Variants in BTG4 observed in about 807,000 individuals in gnomAD.
BTG4 encodes protein BTG4.
BTG4 carries 10 observed loss-of-function variants against 19.3 expected under a neutral mutation model. The observed-to-expected ratio is 0.52, with a 90% CI of 0.32 to 0.88. The LOEUF (loss-of-function observed/expected upper bound fraction) is 0.88. BTG4 is among the 40% of genes least tolerant of loss of function. The probability of loss-of-function intolerance (pLI) is 0.04; values close to 1 mark genes in which losing one functional copy is unlikely to be tolerated. For synonymous variants in BTG4, 91 were observed against 95.7 expected (o/e 0.95, Z 0.29); for missense variants, 238 against 281.9 (o/e 0.84, Z 1.11).
chr11:111,448,404 G>C, the BTG4 span: 1 of 152,686 alleles, frequency 6.5e-6, no homozygotes, highest in Admixed American at 6.5e-5. Context: ...ACCGCTCCTG[G>C]AAGCTAAGTC....
chr11:111,412,385 GTTTC>G, the BTG4 span, among the ~76,000 whole-genome samples: 57,153 of 151,668 alleles, frequency 0.38, 10,882 homozygotes, highest in Admixed American at 0.45. Context: ...TTTGTCCTAA[GTTTC>G]TTTCTTTCTA....
At chr11:111,411,681 A>T in the BTG4 span, among the ~76,000 whole-genome samples, 1 of 152,254 alleles carries the variant, frequency 6.6e-6, no homozygotes, top group Non-Finnish European at 1.5e-5. Flanking sequence ...ACAAGCTTTC[A>T]GATGATACCG....
At chr11:111,449,022 T>C in the BTG4 span, among the ~76,000 whole-genome samples, 15 of 152,314 alleles carry the variant, frequency 9.8e-5, no homozygotes, top group Non-Finnish European at 1.9e-4. Flanking sequence ...AAACACATCC[T>C]AGCCCAAGCC....
At chr11:111,442,076 A>G in the BTG4 span, among the ~76,000 whole-genome samples, 2 of 152,056 alleles carry the variant, frequency 1.3e-5, no homozygotes, top group Admixed American at 1.3e-4. Context: ...AAAAAAAGAA[A>G]GAAAAGTGAG....
chr11:111,438,410 C>T, the BTG4 span, among the ~76,000 whole-genome samples: 2 of 152,336 alleles, frequency 1.3e-5, no homozygotes, highest in Admixed American at 1.3e-4. Flanking sequence ...CATGCAGCCT[C>T]CACCTCTGGC....
the BTG4 span, among the ~76,000 whole-genome samples, chr11:111,404,191 G>C: frequency 0.028 from 4,281 of 152,256 alleles, 92 homozygotes; most frequent in Middle Eastern, 0.13. Flanking sequence ...TGTAAGACAT[G>C]CCTTTCACCT....
the BTG4 span, among the ~76,000 whole-genome samples, chr11:111,409,717 C>T: frequency 6.6e-6 from 1 of 152,176 alleles, no homozygotes; most frequent in African/African-American, 2.4e-5. Context: ...GTCATGCGCA[C>T]AGGACTCTCC....
intron 5 of BTG4, among the ~76,000 whole-genome samples, chr11:111,472,308 T>C (rs943710989): frequency 2.0e-5 from 3 of 152,222 alleles, no homozygotes; most frequent in African/African-American, 4.8e-5. Flanking sequence ...CTAGGGACAC[T>C]TCTCTCGAGG....
chr11:111,389,112 A>C, the BTG4 span, among the ~76,000 whole-genome samples: 1 of 152,258 alleles, frequency 6.6e-6, no homozygotes, highest in African/African-American at 2.4e-5. Context: ...TGCGAAGGCA[A>C]GTCTATTTGC....
At chr11:111,445,520 C>T in the BTG4 span, among the ~76,000 whole-genome samples, 7 of 152,170 alleles carry the variant, frequency 4.6e-5, no homozygotes, top group Non-Finnish European at 1.0e-4. Context: ...CTCTGTATTC[C>T]CACAGGACTG....
chr11:111,412,486 CTTTTCTGATGATGATGATACCA>C, the BTG4 span, among the ~76,000 whole-genome samples: 2 of 152,270 alleles, frequency 1.3e-5, no homozygotes, highest in South Asian at 2.1e-4. Context: ...GCTGACACGG[CTTTTCTGATGATGATGATACCA>C]TTTTCACTTT....
At chr11:111,396,937 T>TACTAATTGAAAA in the BTG4 span, 3 of 152,346 alleles carry the variant, frequency 2.0e-5, no homozygotes, top group Admixed American at 6.5e-5. Context: ...TTTCAATTAG[T>TACTAATTGAAAA]ATAGGTTGAT....
At chr11:111,407,543 G>A in the BTG4 span, among the ~76,000 whole-genome samples, 3 of 152,144 alleles carry the variant, frequency 2.0e-5, no homozygotes, top group African/African-American at 7.2e-5. Flanking sequence ...ATGGTGGCGG[G>A]CACCTGTAAT....
At chr11:111,437,731 C>A in the BTG4 span, among the ~76,000 whole-genome samples, 13 of 152,304 alleles carry the variant, frequency 8.5e-5, no homozygotes, top group African/African-American at 3.1e-4. Context: ...GCTCTTCCCT[C>A]CACTCCTAGG....
chr11:111,408,324 C>T, the BTG4 span, among the ~76,000 whole-genome samples: 4 of 152,218 alleles, frequency 2.6e-5, no homozygotes. Context: ...TTAGAGCCCC[C>T]TGGGCCTGGC....
chr11:111,399,097 C>T, the BTG4 span: 1 of 152,360 alleles, frequency 6.6e-6, no homozygotes, highest in South Asian at 2.1e-4. Flanking sequence ...CCAAACCTCA[C>T]CTTTACTCAC....
the BTG4 span, among the ~76,000 whole-genome samples, chr11:111,389,923 G>A: frequency 6.6e-6 from 1 of 152,092 alleles, no homozygotes; most frequent in Non-Finnish European, 1.5e-5. Flanking sequence ...CAAAGCCAAC[G>A]AAAGCTAAGA....
chr11:111,453,109 G>T, the BTG4 span, among the ~76,000 whole-genome samples: 1 of 152,292 alleles, frequency 6.6e-6, no homozygotes, highest in South Asian at 2.1e-4. Context: ...GACTAAAATG[G>T]GATGGCCTCC....
chr11:111,405,343 G>C, the BTG4 span, among the ~76,000 whole-genome samples: 16 of 142,376 alleles, frequency 1.1e-4, no homozygotes, highest in Admixed American at 5.7e-4. Context: ...GGCGGAGGGT[G>C]TGGTGACCCA....
Sources: allele counts gnomAD v4.1 joint callset (sites outside exome capture counted in the v4.1 genomes callset), GRCh38; gene constraint gnomAD v4.1.1; transcripts MANE v1.5; gene names NCBI Gene and HGNC (gene_info 2026-07-23, HGNC 2026-07-21).